Variants in RAB3C observed in about 807,000 individuals in gnomAD.
RAB3C encodes RAB3C, member RAS oncogene family.
RAB3C carries 17 observed loss-of-function variants against 26.4 expected under a neutral mutation model. The ratio of observed to expected loss-of-function variants is 0.64; its 90% CI spans 0.44 to 0.97. The LOEUF (loss-of-function observed/expected upper bound fraction) is 0.97, where lower values mean the gene tolerates loss of function less well. RAB3C is among the 50% of genes least tolerant of loss of function. The pLI is 0.00. For missense variants in RAB3C, 242 were observed against 281.9 expected (o/e 0.86, Z 1.01); for synonymous variants, 91 against 95.9 (o/e 0.95, Z 0.30).
chr5:58,679,568 T>G (rs938629636), intron 2 of RAB3C, among the ~76,000 whole-genome samples: 1 of 152,226 alleles, frequency 6.6e-6, no homozygotes, highest in African/African-American at 2.4e-5. Flanking sequence ...ATGATACATT[T>G]CAGTTCTTTA....
At chr5:58,808,445 A>T (rs1561137608) in intron 3 of RAB3C, among the ~76,000 whole-genome samples, 1 of 152,282 alleles carries the variant, frequency 6.6e-6, no homozygotes, top group East Asian at 1.9e-4. Context: ...TCAGGAAATA[A>T]AACTAACATT....
At chr5:58,744,122 C>T (rs1215613949) in intron 3 of RAB3C, among the ~76,000 whole-genome samples, 5 of 152,170 alleles carry the variant, frequency 3.3e-5, no homozygotes, top group Admixed American at 6.5e-5. Flanking sequence ...ATTCATATAA[C>T]AAGTCCTGGT....
chr5:58,653,287 G>A (rs1482828307), intron 2 of RAB3C, among the ~76,000 whole-genome samples: 2 of 152,180 alleles, frequency 1.3e-5, no homozygotes, highest in African/African-American at 4.8e-5. Context: ...TCATTAAAAA[G>A]TCAGGAAACA....
At chr5:58,665,398 G>A (rs190887658) in intron 2 of RAB3C, among the ~76,000 whole-genome samples, 121 of 152,260 alleles carry the variant, frequency 7.9e-4, no homozygotes, top group African/African-American at 2.8e-3. Context: ...AAATTTGGTA[G>A]CAACTTCTTT....
intron 1 of RAB3C, among the ~76,000 whole-genome samples, chr5:58,597,083 T>G (rs369487809): frequency 6.5e-3 from 11 of 1,680 alleles, no homozygotes; most frequent in African/African-American, 0.025. Flanking sequence ...TATAATAATA[T>G]ATAATACATA....
chr5:58,611,782 C>T (rs1017862048), intron 1 of RAB3C, among the ~76,000 whole-genome samples: 2 of 151,978 alleles, frequency 1.3e-5, no homozygotes, highest in Admixed American at 6.6e-5. Context: ...TTGGTTTTGG[C>T]ATCTTTTGTC....
intron 2 of RAB3C, among the ~76,000 whole-genome samples, chr5:58,723,762 G>C (rs1054901820): frequency 2.0e-5 from 3 of 151,784 alleles, no homozygotes; most frequent in South Asian, 2.1e-4. Context: ...TTAAATCTTA[G>C]GGGTAGCTGG....
rs540573763 is a variant in RAB3C, at chr5:58,816,790, A to G, written c.372-8248A>G. Reference sequence around the variant, plus strand: ...CGTATCAGAATTGGAAGGAAGACGGAGGGTAGCAAGAGATGAAACTAGAAG... The same window carrying G: ...CGTATCAGAATTGGAAGGAAGACGGGGGGTAGCAAGAGATGAAACTAGAAG... On this transcript the variant is annotated intron_variant, in intron 3 of 4. Transcript: ENST00000282878. 5.8e-4 allele frequency among the ~76,000 whole-genome samples: 89 copies of G among 152,288 alleles called. No individual in the cohort carries two copies. In the South Asian group the frequency reaches 9.1e-3, roughly 16 times the overall value.
At chr5:58,590,726 A>G (rs1746112014) in intron 1 of RAB3C, among the ~76,000 whole-genome samples, 1 of 151,974 alleles carries the variant, frequency 6.6e-6, no homozygotes, top group African/African-American at 2.4e-5. Flanking sequence ...CATTTTTCGT[A>G]GAGACATAGG....
chr5:58,638,903 G>T (rs547791443), intron 2 of RAB3C, among the ~76,000 whole-genome samples: 6 of 152,154 alleles, frequency 3.9e-5, no homozygotes, highest in Admixed American at 1.3e-4. Flanking sequence ...CAATGGCAGC[G>T]TGGGCAGGTC....
At chr5:58,720,689 A>G (rs891858706) in intron 2 of RAB3C, among the ~76,000 whole-genome samples, 7 of 151,776 alleles carry the variant, frequency 4.6e-5, no homozygotes, top group Non-Finnish European at 1.0e-4. Context: ...ATTAACATCA[A>G]TGTGTTCTGA....
At chr5:58,797,251 G>A (rs1451869191) in intron 3 of RAB3C, among the ~76,000 whole-genome samples, 2 of 150,368 alleles carry the variant, frequency 1.3e-5, no homozygotes, top group Non-Finnish European at 3.0e-5. Flanking sequence ...CTAGCTCACT[G>A]AGAGAGTTAA....
intron 1 of RAB3C, among the ~76,000 whole-genome samples, chr5:58,609,846 A>G (rs1444393471): frequency 6.6e-6 from 1 of 152,154 alleles, no homozygotes; most frequent in Non-Finnish European, 1.5e-5. Flanking sequence ...AGCCAGGATT[A>G]GGATTTAAAC....
chr5:58,829,120 G>T (rs1201186719), intron 4 of RAB3C, among the ~76,000 whole-genome samples: 6 of 151,832 alleles, frequency 4.0e-5, no homozygotes, highest in Non-Finnish European at 8.8e-5. Context: ...AGCCAGGATG[G>T]TCTCAATCTC....
intron 2 of RAB3C, among the ~76,000 whole-genome samples, chr5:58,723,199 TCTTTA>T (rs1740812527): frequency 1.3e-5 from 2 of 151,844 alleles, no homozygotes; most frequent in Non-Finnish European, 2.9e-5. Flanking sequence ...TGTGGTGAAA[TCTTTA>T]CTTTCTTTTT....
intron 2 of RAB3C, among the ~76,000 whole-genome samples, chr5:58,717,438 A>T (rs978406323): frequency 6.6e-6 from 1 of 152,050 alleles, no homozygotes; most frequent in African/African-American, 2.4e-5. Flanking sequence ...CTGTCCTGCC[A>T]CCCACAGGAC....
chr5:58,752,714 G>A (rs1741558783), intron 3 of RAB3C, among the ~76,000 whole-genome samples: 3 of 152,078 alleles, frequency 2.0e-5, no homozygotes, highest in South Asian at 4.2e-4. Flanking sequence ...GGGAATTATA[G>A]AGATCTGAAT....
At chr5:58,714,300 TA>T (rs147346872) in intron 2 of RAB3C, among the ~76,000 whole-genome samples, 1,839 of 152,228 alleles carry the variant, frequency 0.012, 12 homozygotes, top group Middle Eastern at 0.041. Flanking sequence ...TGGTATCAAC[TA>T]AAGCCTGAAG....
intron 2 of RAB3C, among the ~76,000 whole-genome samples, chr5:58,677,976 T>TTGTGTG (rs70973149): frequency 0.17 from 25,060 of 147,734 alleles, 2,225 homozygotes; most frequent in African/African-American, 0.24. Context: ...CTAGATTATT[T>TTGTGTG]TGTGTGTGTG....
Sources: allele counts gnomAD v4.1 joint callset (sites outside exome capture counted in the v4.1 genomes callset), GRCh38; gene constraint gnomAD v4.1.1; transcripts MANE v1.5; gene names NCBI Gene and HGNC (gene_info 2026-07-23, HGNC 2026-07-21).